CCR2: variants seen among roughly 807,000 people sequenced by gnomAD.
CCR2 encodes the protein C-C motif chemokine receptor 2.
For synonymous variants in CCR2, 183 were observed against 177.1 expected (o/e 1.03, Z -0.27); for missense variants, 408 against 440.0 (o/e 0.93, Z 0.65).
At position 46,359,856 on chromosome 3, in the gene CCR2, C is replaced by T. The variant is rs1216371766; in HGVS notation, c.*1246C>T. 1.9e-6 allele frequency: 3 copies of T among 1,612,362 alleles called. No homozygotes were observed. Among genetic ancestry groups the T allele is most frequent in the Admixed American group, 3.4e-5 (2 of 59,526 alleles). On this transcript the variant is annotated 3_prime_UTR_variant, in exon 2 of 2. Coordinates refer to ENST00000445132, the MANE Select transcript of CCR2 (RefSeq NM_001123396.4). ...GCCAGTCTTCAGGACAAAGAAGGAGCCTAGAGACAGAAATGACAGATCTCT... is the reference window on the plus strand; with the variant it reads ...GCCAGTCTTCAGGACAAAGAAGGAGTCTAGAGACAGAAATGACAGATCTCT...
Position 46,358,489 on chromosome 3 carries a change from G to A in CCR2, c.962G>A (p.Arg321Gln), listed in dbSNP as rs773368456. Residue 321 changes from arginine (R) to glutamine (Q), a missense_variant, in exon 2 of 2, where the codon CGA (arginine) becomes CAA (glutamine). Coordinates refer to ENST00000445132, the MANE Select transcript of CCR2 (RefSeq NM_001123396.4). Reference sequence around the variant, plus strand: ...AGAAGGTATCTCTCGGTGTTCTTCCGAAAGCACATCACCAAGCGCTTCTGC... The same window carrying A: ...AGAAGGTATCTCTCGGTGTTCTTCCAAAAGCACATCACCAAGCGCTTCTGC... ...KFRRYLSVFF[R>Q]KHITKRFCKQ... 1.6e-5 allele frequency: 26 copies of A among 1,613,304 alleles called. No homozygotes were observed. The highest frequency in any genetic ancestry group is 6.7e-5 in the East Asian group (3 of 44,872).
Position 46,359,524 on chromosome 3 carries a change from C to A in CCR2, c.*914C>A. On this transcript the variant is annotated 3_prime_UTR_variant, in exon 2 of 2. Coordinates refer to ENST00000445132, the MANE Select transcript of CCR2 (RefSeq NM_001123396.4). ...AAAGGACGGGGATCGTGTGGAACCA[C>A]TGCAGAACTATTTCCGAAATCAACT... is the stretch of plus-strand genomic sequence containing the variant. The A allele has an allele frequency of 2.0e-6, 2 of 994,946 alleles. No homozygotes were observed. Among genetic ancestry groups the A allele is most frequent in the Non-Finnish European group, 2.9e-6 (2 of 698,908 alleles). 61.6% of individuals were successfully genotyped at this position (994,946 alleles called of 1,614,324 possible). A position where few individuals can be genotyped will look rare whatever the true frequency, so the allele number is the denominator to read the frequency against.
Position 46,358,188 on chromosome 3 carries a change from T to C in CCR2, c.661T>C (p.Cys221Arg). The change falls in exon 2 of 2, where the codon TGC (cysteine) becomes CGC (arginine). Residue 221 changes from cysteine to arginine, a missense_variant. By Grantham distance (180) the Cys-to-Arg change is radical. Coordinates refer to ENST00000445132, the MANE Select transcript of CCR2 (RefSeq NM_001123396.4). ...CCTGCCGCTGCTCATCATGGTCATC[T>C]GCTACTCGGGAATCCTGAAAACCCT... ...LVLPLLIMVI[C>R]YSGILKTLLR... 1 of 1,614,230 alleles carries C rather than the reference T, an allele frequency of 6.2e-7. No individual in the cohort carries two copies. Among genetic ancestry groups the C allele is most frequent in the Non-Finnish European group, 8.5e-7 (1 of 1,180,030 alleles).
Position 46,359,109 on chromosome 3 carries a change from C to T in CCR2, c.*499C>T. ...CATTCAGCCAGGAGATGATACTGGTCCTTAGCCCCATCTGCCACGTGTATT... is the reference window on the plus strand; with the variant it reads ...CATTCAGCCAGGAGATGATACTGGTTCTTAGCCCCATCTGCCACGTGTATT... On this transcript the variant is annotated 3_prime_UTR_variant, in exon 2 of 2. Coordinates refer to ENST00000445132, the MANE Select transcript of CCR2 (RefSeq NM_001123396.4). 3 of 1,009,004 alleles carry T rather than the reference C, an allele frequency of 3.0e-6. No homozygotes were observed. Among genetic ancestry groups the T allele is most frequent in the Non-Finnish European group, 3.6e-6 (3 of 835,260 alleles). 62.5% of individuals were successfully genotyped at this position (1,009,004 alleles called of 1,614,324 possible). A position where few individuals can be genotyped will look rare whatever the true frequency, so the allele number is the denominator to read the frequency against.
intron 1 of CCR2, among the ~76,000 whole-genome samples, chr3:46,354,495 G>A (rs184518086): frequency 6.6e-6 from 1 of 152,306 alleles, no homozygotes; most frequent in East Asian, 1.9e-4. Context: ...ACGTTAAAGA[G>A]CTGGAACTGT....
chr3:46,358,250 A>G lies in CCR2; in HGVS notation c.723A>G (p.Ala241=), dbSNP rs1350182426. 1.9e-6 allele frequency: 3 copies of G among 1,614,106 alleles called. No individual in the cohort carries two copies. Among genetic ancestry groups the G allele is most frequent in the South Asian group, 1.1e-5 (1 of 91,086 alleles). ...GAAACGAGAAGAAGAGGCATAGGGC[A>G]GTGAGAGTCATCTTCACCATCATGA... ...RCRNEKKRHR[A]VRVIFTIMIV... The change falls in exon 2 of 2, where the codon GCA becomes GCG. Residue 241 remains alanine (A), a synonymous_variant. Coordinates refer to ENST00000445132, the MANE Select transcript of CCR2 (RefSeq NM_001123396.4).
In CCR2 at chr3:46,357,811, T is replaced by C. The variant is rs778990367; in HGVS notation, c.284T>C (p.Leu95Pro). The C allele has an allele frequency of 1.2e-6, 2 of 1,614,196 alleles. No individual in the cohort carries two copies. The highest frequency in any genetic ancestry group is 1.7e-6 in the Non-Finnish European group (2 of 1,180,024). The change falls in exon 2 of 2, where the codon CTC (leucine) becomes CCC (proline). Residue 95 changes from leucine (L) to proline (P), a missense_variant. By Grantham distance (98) the Leu-to-Pro change is moderately conservative. Transcript: ENST00000445132. ...TCTGATCTGCTTTTTCTTATTACTCTCCCATTGTGGGCTCACTCTGCTGCA... is the reference window on the plus strand; with the variant it reads ...TCTGATCTGCTTTTTCTTATTACTCCCCCATTGTGGGCTCACTCTGCTGCA... ...AISDLLFLIT[L>P]PLWAHSAANE...
In CCR2 at chr3:46,358,235, G is replaced by C. The variant is rs553980827; in HGVS notation, c.708G>C (p.Lys236Asn). ...CCCTGCTTCGGTGTCGAAACGAGAA[G>C]AAGAGGCATAGGGCAGTGAGAGTCA... ...LKTLLRCRNEKKRHRAVRVIF... is the reference protein window; with the variant it reads ...LKTLLRCRNENKRHRAVRVIF... Residue 236 changes from lysine (K) to asparagine (N), a missense_variant, in exon 2 of 2, where the codon AAG (lysine) becomes AAC (asparagine). Lys to Asn is a moderately conservative substitution (Grantham distance 94). Transcript: ENST00000445132. The C allele has an allele frequency of 6.2e-7, 1 of 1,614,182 alleles. No individual in the cohort carries two copies. The highest frequency in any genetic ancestry group is 2.2e-5 in the East Asian group (1 of 44,888).
rs375466820 is a variant in CCR2, at chr3:46,358,074, A to G, written c.547A>G (p.Lys183Glu). The change falls in exon 2 of 2, where the codon AAA (lysine) becomes GAA (glutamate). Residue 183 changes from lysine (K) to glutamate (E), a missense_variant. Physicochemically the swap from Lys to Glu is moderately conservative, Grantham distance 56. Coordinates refer to ENST00000445132, the MANE Select transcript of CCR2 (RefSeq NM_001123396.4). The part of the protein sequence containing the change: ...VPGIIFTKCQ[K>E]EDSVYVCGPY... Reference sequence around the variant, plus strand: ...AGGAATCATCTTTACTAAATGCCAGAAAGAAGATTCTGTTTATGTCTGTGG... The same window carrying G: ...AGGAATCATCTTTACTAAATGCCAGGAAGAAGATTCTGTTTATGTCTGTGG... The G allele has an allele frequency of 1.2e-6, 2 of 1,614,078 alleles. No homozygotes were observed. Among genetic ancestry groups the G allele is most frequent in the Non-Finnish European group, 1.7e-6 (2 of 1,180,030 alleles).
chr3:46,354,698 G>A (rs1575271609), intron 1 of CCR2, among the ~76,000 whole-genome samples: 1 of 152,336 alleles, frequency 6.6e-6, no homozygotes, highest in East Asian at 1.9e-4. Context: ...ATTGTTCACT[G>A]TAGTAGAAGC....
intron 1 of CCR2, 21 bp from the exon 2 acceptor site, chr3:46,357,456 C>G (rs1189669442): frequency 3.3e-6 from 5 of 1,503,732 alleles, no homozygotes; most frequent in East Asian, 4.5e-5. Flanking sequence ...GTGTGGTCAT[C>G]ATTTTGTTCT....
At chr3:46,355,823 ATATTT>A (rs1701441756) in intron 1 of CCR2, among the ~76,000 whole-genome samples, 1 of 152,240 alleles carries the variant, frequency 6.6e-6, no homozygotes, top group Admixed American at 6.5e-5. Flanking sequence ...AGCATAGTTA[ATATTT>A]TATGCATAAA....
At position 46,359,248 on chromosome 3, in the gene CCR2, A is replaced by G. The variant is rs1701507966; in HGVS notation, c.*638A>G. On this transcript the variant is annotated 3_prime_UTR_variant, in exon 2 of 2. Transcript: ENST00000445132. ...TAAGTGCATGACATATTTTTGCTTTATTACAGTTTATCTATGGCACCCATG... is the reference window on the plus strand; with the variant it reads ...TAAGTGCATGACATATTTTTGCTTTGTTACAGTTTATCTATGGCACCCATG... The G allele has an allele frequency of 2.0e-6, 2 of 1,005,894 alleles. No individual in the cohort carries two copies. The highest frequency in any genetic ancestry group is 9.2e-5 in the South Asian group (2 of 21,672). The allele number at this position is 1,005,894 out of a possible 1,614,324, so 62.3% of individuals were successfully genotyped here. A position where few individuals can be genotyped will look rare whatever the true frequency, so the allele number is the denominator to read the frequency against.
chr3:46,358,543 C>T lies in CCR2; in HGVS notation c.1016C>T (p.Thr339Ile). Residue 339 changes from threonine (T) to isoleucine (I), a missense_variant, in exon 2 of 2, where the codon ACA (threonine) becomes ATA (isoleucine). Thr to Ile is a moderately conservative substitution (Grantham distance 89). Transcript: ENST00000445132. ...CKQCPVFYRE[T>I]VDGVTSTNTP... ...CAATGTCCAGTTTTCTACAGGGAGA[C>T]AGTGGATGGAGTGACTTCAACAAAC... The T allele has an allele frequency of 1.9e-6, 3 of 1,611,420 alleles. No individual in the cohort carries two copies. The highest frequency in any genetic ancestry group is 2.5e-6 in the Non-Finnish European group (3 of 1,178,960).
chr3:46,358,999 A>G lies in CCR2; in HGVS notation c.*389A>G. On this transcript the variant is annotated 3_prime_UTR_variant, in exon 2 of 2. Transcript: ENST00000445132. ...GCACAGATGAATGGGAGTGAGGGAT[A>G]GTGGGGTCAGGGCTGAGAGGAGAAG... The G allele has an allele frequency of 9.5e-7, 1 of 1,050,186 alleles. No homozygotes were observed. Among genetic ancestry groups the G allele is most frequent in the Non-Finnish European group, 1.2e-6 (1 of 860,014 alleles). The allele number at this position is 1,050,186 out of a possible 1,614,324, so 65.1% of individuals were successfully genotyped here.
In CCR2 at chr3:46,358,734, G is replaced by T. The variant is rs571573968; in HGVS notation, c.*124G>T. 4 of 1,463,834 alleles carry T rather than the reference G, an allele frequency of 2.7e-6. No individual in the cohort carries two copies. The highest frequency in any genetic ancestry group is 3.0e-5 in the South Asian group (2 of 67,710). The allele number at this position is 1,463,834 out of a possible 1,614,324, so 90.7% of individuals were successfully genotyped here. A position where few individuals can be genotyped will look rare whatever the true frequency, so the allele number is the denominator to read the frequency against. On this transcript the variant is annotated 3_prime_UTR_variant, in exon 2 of 2. Coordinates refer to ENST00000445132, the MANE Select transcript of CCR2 (RefSeq NM_001123396.4). ...AGGTGCCCAGGAACCTCAGGGCTGTGTGTACTAATACAGACTATGTCACCC... is the reference window on the plus strand; with the variant it reads ...AGGTGCCCAGGAACCTCAGGGCTGTTTGTACTAATACAGACTATGTCACCC...
chr3:46,354,291 G>C (rs866010913), intron 1 of CCR2, 114 bp downstream of exon 1: 3 of 152,298 alleles, frequency 2.0e-5, no homozygotes, highest in African/African-American at 7.2e-5. Context: ...TGCACACTTG[G>C]GGGGAATGAT....
rs3918386 is a variant in CCR2 at position 46,359,752 on chromosome 3, A to G, written c.*1142A>G. 17,198 of 1,614,044 alleles carry G rather than the reference A, an allele frequency of 0.011. 1,634 individuals are homozygous for G. In the African/African-American group the frequency reaches 0.21, roughly 19 times the overall value. ...TGTGTGGAGGTCCAGGAGTGAGACC[A>G]GGAAAGAATGTGAAAGTGACTACAC... On this transcript the variant is annotated 3_prime_UTR_variant, in exon 2 of 2. Transcript: ENST00000445132.
chr3:46,358,394 G>A lies in CCR2; in HGVS notation c.867G>A (p.Val289=). The change falls in exon 2 of 2, where the codon GTG becomes GTA. Residue 289 remains valine, a synonymous_variant. Transcript: ENST00000445132. ...STSQLDQATQ[V]TETLGMTHCC... ...GTCAACTGGACCAAGCCACGCAGGT[G>A]ACAGAGACTCTTGGGATGACTCACT... The A allele has an allele frequency of 1.2e-6, 2 of 1,614,116 alleles. No homozygotes were observed. Among genetic ancestry groups the A allele is most frequent in the Non-Finnish European group, 1.7e-6 (2 of 1,180,012 alleles).
Sources: allele counts gnomAD v4.1 joint callset (sites outside exome capture counted in the v4.1 genomes callset), GRCh38; gene constraint gnomAD v4.1.1; transcripts MANE v1.5; gene names NCBI Gene and HGNC (gene_info 2026-07-23, HGNC 2026-07-21).